Variants in ATP11A observed in about 807,000 individuals in gnomAD.
ATP11A encodes the protein ATPase phospholipid transporting 11A.
A neutral mutation model predicts 154.4 loss-of-function variants in ATP11A; 81 were observed. That is an observed-to-expected ratio of 0.52 (90% confidence interval 0.44 to 0.63). The LOEUF (loss-of-function observed/expected upper bound fraction) is 0.63, where lower values mean the gene tolerates loss of function less well. Among genes scored for constraint, ATP11A ranks in the 30% least tolerant of loss-of-function variants. ATP11A has a pLI of 0.00. For synonymous variants in ATP11A, 623 were observed against 585.9 expected, an observed-to-expected ratio of 1.06 and a Z score of -0.91; for missense variants, 1,316 against 1,474.3, an observed-to-expected ratio of 0.89 and a Z score of 1.76.
At chr13:112,864,691 T>A (rs1197170600) in intron 25 of ATP11A, among the ~76,000 whole-genome samples, 1 of 60,754 alleles carries the variant, frequency 1.6e-5, no homozygotes, top group Non-Finnish European at 2.6e-5. Flanking sequence ...CCCAGCGGGG[T>A]CCATCACCAC....
chr13:112,784,455 A>G (rs1037968311), intron 1 of ATP11A, among the ~76,000 whole-genome samples: 1 of 151,702 alleles, frequency 6.6e-6, no homozygotes, highest in Non-Finnish European at 1.5e-5. Context: ...TTCCTCTTCC[A>G]TTAAAGACCT....
intron 15 of ATP11A, among the ~76,000 whole-genome samples, chr13:112,835,237 C>A (rs2079200016): frequency 6.6e-6 from 1 of 152,214 alleles, no homozygotes; most frequent in Non-Finnish European, 1.5e-5. Context: ...AGATAAGTGA[C>A]CCATCTTGAG....
intron 1 of ATP11A, among the ~76,000 whole-genome samples, chr13:112,769,252 G>A (rs866046271): frequency 3.9e-5 from 6 of 152,164 alleles, no homozygotes; most frequent in African/African-American, 7.2e-5. Flanking sequence ...GCTCCAAACC[G>A]GGCACAGGAC....
intron 19 of ATP11A, 24 bp downstream of exon 19, chr13:112,854,554 A>G (rs1555339663): frequency 6.4e-7 from 1 of 1,563,548 alleles, no homozygotes; most frequent in Non-Finnish European, 8.7e-7. Flanking sequence ...CCCCGCCCCC[A>G]CCCCCACACT....
chr13:112,783,438 C>G (rs190314823), intron 1 of ATP11A, among the ~76,000 whole-genome samples: 4 of 152,332 alleles, frequency 2.6e-5, no homozygotes, highest in Admixed American at 6.5e-5. Context: ...GCTCCAGGAC[C>G]CTGAGAAAGT....
chr13:112,823,408 T>C lies in ATP11A; in HGVS notation c.789T>C (p.Phe263=), dbSNP rs1188703510. ...CACTGAAGAACACTGAGAAAATCTTTGGTAAATATTTAATTAATTATTAAC... is the reference window on the plus strand; with the variant it reads ...CACTGAAGAACACTGAGAAAATCTTCGGTAAATATTTAATTAATTATTAAC... ...GATLKNTEKI[F]GVAIYTGMET... Residue 263 remains phenylalanine, a splice_region_variant and synonymous_variant, in exon 9 of 30, where the codon TTT becomes TTC. Coordinates refer to ENST00000375645, the MANE Select transcript of ATP11A (RefSeq NM_015205.3). 6 of 1,609,882 alleles carry C rather than the reference T, an allele frequency of 3.7e-6. No individual in the cohort carries two copies. The highest frequency in any genetic ancestry group is 5.1e-6 in the Non-Finnish European group (6 of 1,176,682).
intron 4 of ATP11A, among the ~76,000 whole-genome samples, chr13:112,808,835 G>A (rs1190263413): frequency 6.6e-6 from 1 of 152,098 alleles, no homozygotes; most frequent in African/African-American, 2.4e-5. Context: ...TATGTGCAGG[G>A]CCCCTCCGAT....
At chr13:112,862,188 C>G (rs541575444) in intron 24 of ATP11A, among the ~76,000 whole-genome samples, 2 of 152,318 alleles carry the variant, frequency 1.3e-5, no homozygotes, top group African/African-American at 4.8e-5. Context: ...ATCTCTGTGC[C>G]TATGACGATA....
chr13:112,857,720 A>G (rs186450889), intron 20 of ATP11A, 98 bp from the exon 21 acceptor site: 20 of 981,714 alleles, frequency 2.0e-5, no homozygotes, highest in Middle Eastern at 4.7e-4. Flanking sequence ...TTATTTGCCT[A>G]GGCTAACTTT....
intron 1 of ATP11A, among the ~76,000 whole-genome samples, chr13:112,769,131 C>G (rs192937174): frequency 2.6e-5 from 4 of 152,272 alleles, no homozygotes; most frequent in Admixed American, 2.0e-4. Context: ...GGCTGCCCCC[C>G]GGCTCCTCCT....
intron 19 of ATP11A, 87 bp from the exon 20 acceptor site, chr13:112,855,824 A>T: frequency 2.4e-6 from 3 of 1,240,164 alleles, no homozygotes; most frequent in Non-Finnish European, 3.4e-6. Flanking sequence ...GATTTGTAGC[A>T]TCTGTCGATA....
chr13:112,831,912 A>G (rs1344076909), intron 13 of ATP11A, among the ~76,000 whole-genome samples: 1 of 151,072 alleles, frequency 6.6e-6, no homozygotes, highest in Non-Finnish European at 1.5e-5. Context: ...ACACATGCCC[A>G]GACACTGTGT....
At position 112,785,914 on chromosome 13, in the gene ATP11A, G is replaced by A. The variant is rs546697426; in HGVS notation, c.162+657G>A. On this transcript the variant is annotated intron_variant, in intron 2 of 29. Coordinates refer to ENST00000375645, the MANE Select transcript of ATP11A (RefSeq NM_015205.3). The surrounding 1 kb of genome is among the most constrained non-coding windows in gnomAD (Gnocchi z 4.8). ...ACATGGGGTAAACTGTGCTTTCCAG[G>A]TAATGCGGAACGCACGTGCCTGCGT... Among the ~76,000 whole-genome samples, 56 of 152,010 alleles carry A rather than the reference G, an allele frequency of 3.7e-4. No individual in the cohort carries two copies. The highest frequency in any genetic ancestry group is 2.8e-3 in the East Asian group (14 of 5,070).
chr13:112,702,143 C>T (rs1239058300), intron 1 of ATP11A, among the ~76,000 whole-genome samples: 1 of 151,852 alleles, frequency 6.6e-6, no homozygotes, highest in South Asian at 2.1e-4. Flanking sequence ...GTCAGGAGTT[C>T]GAGATCAGCC....
intron 2 of ATP11A, among the ~76,000 whole-genome samples, chr13:112,803,716 C>T (rs1376682052): frequency 3.1e-5 from 4 of 131,140 alleles, no homozygotes; most frequent in Admixed American, 2.9e-4. Flanking sequence ...TCTCATTCCC[C>T]TCCTTCCCTC....
Position 112,775,151 on chromosome 13 carries a change from G to A in ATP11A, c.40-9984G>A, listed in dbSNP as rs148655198. 2.1e-3 allele frequency among the ~76,000 whole-genome samples: 327 copies of A among 152,392 alleles called. 1 individual carries two copies. The highest frequency in any genetic ancestry group is 7.5e-3 in the African/African-American group (313 of 41,604). On this transcript the variant is annotated intron_variant, in intron 1 of 29. Coordinates refer to ENST00000375645, the MANE Select transcript of ATP11A (RefSeq NM_015205.3). ...GGACTCAGTTTATCGTTCTTTCCCT[G>A]CTTTGAGGCAGGCCCTTGATGTGCA...
At chr13:112,707,045 TCGGCAACATCAGCACCA>T (rs1443949139) in intron 1 of ATP11A, among the ~76,000 whole-genome samples, 2 of 152,162 alleles carry the variant, frequency 1.3e-5, no homozygotes, top group African/African-American at 4.8e-5. Flanking sequence ...TGGAGACAAC[TCGGCAACATCAGCACCA>T]CATTGGGCCC....
At position 112,842,272 on chromosome 13, in the gene ATP11A, G is replaced by T; in HGVS notation, c.1706-4G>T. 1.9e-6 allele frequency: 3 copies of T among 1,600,280 alleles called. No individual in the cohort carries two copies. The highest frequency in any genetic ancestry group is 1.1e-5 in the South Asian group (1 of 89,146). The stretch of plus-strand genomic sequence containing the variant: ...TTAAACTCCTCATTTTTCTCATTTT[G>T]TAGGAGAAATTTATCTGTTTTGCAA... On this transcript the variant is annotated splice_polypyrimidine_tract_variant and splice_region_variant and intron_variant, in intron 16 of 29. Transcript: ENST00000375645.
chr13:112,827,495 C>T (rs531875908), intron 12 of ATP11A, among the ~76,000 whole-genome samples: 272 of 152,290 alleles, frequency 1.8e-3, no homozygotes, highest in African/African-American at 6.3e-3. Flanking sequence ...GCCCTGCCAC[C>T]GCACCACCGG....
Sources: gnomAD v4.1 joint callset for allele counts (sites outside exome capture counted in the v4.1 genomes callset) on GRCh38, gnomAD v4.1.1 for gene constraint, Gnocchi (gnomAD v3.1) non-coding constraint, MANE v1.5 for transcripts, NCBI Gene and HGNC (gene_info 2026-07-23, HGNC 2026-07-21) for gene names.